NTRK3: variants seen among roughly 807,000 people sequenced by gnomAD.
The protein encoded by NTRK3 is NT-3 growth factor receptor.
NTRK3 carries 24 observed loss-of-function variants against 91.7 expected under a neutral mutation model. The ratio of observed to expected loss-of-function variants is 0.26; its 90% CI spans 0.19 to 0.37. The LOEUF (loss-of-function observed/expected upper bound fraction) is 0.37, where lower values mean the gene tolerates loss of function less well. Ranked by LOEUF, NTRK3 falls within the 10% of genes least tolerant of loss-of-function variation. NTRK3 has a pLI of 1.00. For missense variants in NTRK3, 880 were observed against 1,068.9 expected (o/e 0.82, Z 2.46); for synonymous variants, 483 against 404.0 (o/e 1.20, Z -2.34).
intron 5 of NTRK3, among the ~76,000 whole-genome samples, chr15:88,160,123 A>G (rs1275985133): frequency 2.0e-5 from 3 of 152,156 alleles, no homozygotes; most frequent in Non-Finnish European, 4.4e-5. Context: ...AGAAAACAGG[A>G]CTCGGACGAG....
At chr15:87,995,819 T>C (rs926003387) in intron 14 of NTRK3, among the ~76,000 whole-genome samples, 3 of 152,238 alleles carry the variant, frequency 2.0e-5, no homozygotes, top group Non-Finnish European at 2.9e-5. Flanking sequence ...AAGGCAGCCA[T>C]AGACAATGTG....
At chr15:87,931,792 C>T (rs749012184) in intron 16 of NTRK3, among the ~76,000 whole-genome samples, 26 of 152,188 alleles carry the variant, frequency 1.7e-4, no homozygotes, top group Non-Finnish European at 3.2e-4. Flanking sequence ...TTTCTTTGCC[C>T]CTCAAAACCA....
chr15:88,048,196 T>C (rs2080430145), intron 13 of NTRK3, among the ~76,000 whole-genome samples: 1 of 152,214 alleles, frequency 6.6e-6, no homozygotes. Flanking sequence ...TTAGGCCATC[T>C]TGATCTACTT....
chr15:88,172,117 T>A (rs971736400), intron 5 of NTRK3, among the ~76,000 whole-genome samples: 10 of 152,078 alleles, frequency 6.6e-5, no homozygotes, highest in Admixed American at 6.5e-4. Flanking sequence ...TCACCTAGAA[T>A]ACCACCCAGA....
intron 5 of NTRK3, among the ~76,000 whole-genome samples, chr15:88,172,711 A>G (rs1460755801): frequency 1.3e-5 from 2 of 152,346 alleles, no homozygotes; most frequent in East Asian, 1.9e-4. Context: ...GCACGTGGCC[A>G]TGTTATCTGG....
intron 17 of NTRK3, among the ~76,000 whole-genome samples, chr15:87,923,875 G>A (rs1191771612): frequency 4.6e-5 from 7 of 152,008 alleles, no homozygotes; most frequent in African/African-American, 1.7e-4. Context: ...GCCCATTCTT[G>A]GTCTTTTGCC....
intron 13 of NTRK3, among the ~76,000 whole-genome samples, chr15:88,033,292 T>C (rs1435509890): frequency 1.4e-5 from 2 of 146,830 alleles, no homozygotes; most frequent in African/African-American, 5.1e-5. Flanking sequence ...CAATTTTTTT[T>C]CCATTCTATA....
At chr15:88,220,728 C>A (rs754920030) in intron 3 of NTRK3, among the ~76,000 whole-genome samples, 3 of 152,136 alleles carry the variant, frequency 2.0e-5, no homozygotes, top group Non-Finnish European at 4.4e-5. Flanking sequence ...TTCTTCCCAG[C>A]GAGAGCGGGA....
At chr15:88,129,187 G>A (rs1314963942) in intron 10 of NTRK3, among the ~76,000 whole-genome samples, 1 of 152,184 alleles carries the variant, frequency 6.6e-6, no homozygotes, top group Non-Finnish European at 1.5e-5. Context: ...GATTCTAGCA[G>A]GTCACTGAGA....
chr15:87,933,644 G>A (rs2069001971), intron 15 of NTRK3, among the ~76,000 whole-genome samples: 1 of 152,236 alleles, frequency 6.6e-6, no homozygotes, highest in African/African-American at 2.4e-5. Flanking sequence ...ATTGGAAACT[G>A]GGCAGGCAAC....
At chr15:88,037,103 A>G (rs2079141488) in intron 13 of NTRK3, among the ~76,000 whole-genome samples, 1 of 152,222 alleles carries the variant, frequency 6.6e-6, no homozygotes, top group Admixed American at 6.5e-5. Flanking sequence ...AGCCACAGGA[A>G]GGAATAAGAT....
chr15:87,962,694 G>A (rs2072412165), intron 14 of NTRK3, among the ~76,000 whole-genome samples: 1 of 152,188 alleles, frequency 6.6e-6, no homozygotes, highest in Admixed American at 6.5e-5. Context: ...GCCTTTTACA[G>A]CCAGCTTCAA....
chr15:88,215,268 C>T (rs2049654781), intron 3 of NTRK3, among the ~76,000 whole-genome samples: 1 of 152,220 alleles, frequency 6.6e-6, no homozygotes, highest in Admixed American at 6.5e-5. Context: ...GAGCATCACG[C>T]TTGGGGGTTG....
At chr15:88,072,247 G>A (rs1313834349) in intron 13 of NTRK3, among the ~76,000 whole-genome samples, 5 of 151,796 alleles carry the variant, frequency 3.3e-5, no homozygotes, top group African/African-American at 4.8e-5. Flanking sequence ...CTCATGATCC[G>A]ACTGCCTCAG....
At chr15:88,172,936 G>C (rs1271474246) in intron 5 of NTRK3, among the ~76,000 whole-genome samples, 2 of 152,186 alleles carry the variant, frequency 1.3e-5, no homozygotes, top group Non-Finnish European at 2.9e-5. Context: ...CAGGCACCCA[G>C]GAGACTAATG....
At chr15:88,005,278 A>G (rs994078568) in intron 14 of NTRK3, among the ~76,000 whole-genome samples, 2 of 152,134 alleles carry the variant, frequency 1.3e-5, no homozygotes, top group Non-Finnish European at 2.9e-5. Context: ...CTTGACCCCC[A>G]GTTCATTCAG....
At chr15:87,913,047 T>C (rs1323028413) in intron 17 of NTRK3, among the ~76,000 whole-genome samples, 1 of 147,766 alleles carries the variant, frequency 6.8e-6, no homozygotes, top group Non-Finnish European at 1.5e-5. Flanking sequence ...GGGAAAGCTG[T>C]ATCTAGACTA....
At chr15:88,081,200 T>C (rs2150645314) in intron 13 of NTRK3, among the ~76,000 whole-genome samples, 2 of 152,180 alleles carry the variant, frequency 1.3e-5, no homozygotes, top group Middle Eastern at 6.8e-3. Flanking sequence ...CCTCCATATA[T>C]GGACCCTAGA....
chr15:88,073,482 G>T (rs1329777521), intron 13 of NTRK3, among the ~76,000 whole-genome samples: 2 of 152,136 alleles, frequency 1.3e-5, no homozygotes, highest in Admixed American at 1.3e-4. Flanking sequence ...CTTTCAGGTG[G>T]CTCATAAGCA....
Sources: gnomAD v4.1 joint callset for allele counts (sites outside exome capture counted in the v4.1 genomes callset) on GRCh38, gnomAD v4.1.1 for gene constraint, MANE v1.5 for transcripts, NCBI Gene and HGNC (gene_info 2026-07-23, HGNC 2026-07-21) for gene names.